NRXN3: variants seen among roughly 807,000 people sequenced by gnomAD.
NRXN3 encodes neurexin 3.
Under a neutral mutation model 137.6 loss-of-function variants are expected in NRXN3, and 32 were observed. That is an observed-to-expected ratio of 0.23 (90% CI 0.18 to 0.31). The LOEUF is 0.31. NRXN3 is among the 10% of genes least tolerant of loss of function. NRXN3 has a pLI of 1.00. For missense variants in NRXN3, 1,574 were observed against 2,062.5 expected (o/e 0.76, Z 4.59); for synonymous variants, 798 against 784.5 (o/e 1.02, Z -0.29).
chr14:78,630,092 A>G (rs1488266353), intron 4 of NRXN3, among the ~76,000 whole-genome samples: 1 of 152,184 alleles, frequency 6.6e-6, no homozygotes, highest in African/African-American at 2.4e-5. Context: ...GGAACCAGCT[A>G]TTTTAGCACT....
At chr14:78,195,739 A>G (rs1045148235) in intron 1 of NRXN3, among the ~76,000 whole-genome samples, 1 of 152,244 alleles carries the variant, frequency 6.6e-6, no homozygotes, top group African/African-American at 2.4e-5. Context: ...ACTAAAGCAT[A>G]GAACCCAGCT....
At chr14:79,784,472 G>T (rs1053760645) in intron 19 of NRXN3, among the ~76,000 whole-genome samples, 2 of 151,946 alleles carry the variant, frequency 1.3e-5, no homozygotes, top group South Asian at 4.2e-4. Context: ...GGCTCTTTTG[G>T]CTCCTTTAAA....
intron 15 of NRXN3, among the ~76,000 whole-genome samples, chr14:79,273,628 C>T (rs973607564): frequency 1.3e-5 from 2 of 151,820 alleles, no homozygotes; most frequent in African/African-American, 2.4e-5. Flanking sequence ...AGTGAGACTC[C>T]GTCTCAAAAT....
intron 16 of NRXN3, among the ~76,000 whole-genome samples, chr14:79,549,790 C>T (rs1239160759): frequency 1.3e-5 from 2 of 152,006 alleles, no homozygotes; most frequent in Non-Finnish European, 2.9e-5. Context: ...ATTTAGTGGC[C>T]CAGCAAATCC....
intron 15 of NRXN3, among the ~76,000 whole-genome samples, chr14:79,460,839 G>A (rs2096326706): frequency 6.6e-6 from 1 of 152,118 alleles, no homozygotes; most frequent in South Asian, 2.1e-4. Context: ...CAGCAAATCT[G>A]CTCATTTCTT....
chr14:78,388,884 A>G (rs1454587308), intron 4 of NRXN3, among the ~76,000 whole-genome samples: 1 of 152,094 alleles, frequency 6.6e-6, no homozygotes, highest in African/African-American at 2.4e-5. Context: ...TATTATTAAT[A>G]TACCATACTT....
At chr14:79,430,087 A>C (rs1277907601) in intron 15 of NRXN3, among the ~76,000 whole-genome samples, 1 of 152,192 alleles carries the variant, frequency 6.6e-6, no homozygotes, top group Non-Finnish European at 1.5e-5. Flanking sequence ...ATGTACAGTA[A>C]ATTATTTTCA....
chr14:78,674,264 G>T (rs1489697392), intron 6 of NRXN3, among the ~76,000 whole-genome samples: 1 of 152,144 alleles, frequency 6.6e-6, no homozygotes, highest in African/African-American at 2.4e-5. Flanking sequence ...AAATCTATTT[G>T]CTTATAAAGG....
At chr14:79,415,652 T>C (rs2095486086) in intron 15 of NRXN3, among the ~76,000 whole-genome samples, 1 of 152,132 alleles carries the variant, frequency 6.6e-6, no homozygotes. Flanking sequence ...TGTGTATGCC[T>C]CTATACACCC....
chr14:79,286,863 G>A (rs545880028), intron 15 of NRXN3, among the ~76,000 whole-genome samples: 6 of 152,198 alleles, frequency 3.9e-5, no homozygotes, highest in South Asian at 2.1e-4. Flanking sequence ...TGGTTTCACT[G>A]AGACTCAATT....
chr14:79,836,545 G>A (rs1211242882), intron 20 of NRXN3, among the ~76,000 whole-genome samples: 1 of 152,134 alleles, frequency 6.6e-6, no homozygotes, highest in East Asian at 1.9e-4. Flanking sequence ...TCTTTCTTTT[G>A]TTTGGCCACC....
At chr14:79,499,577 G>A (rs1047375920) in intron 16 of NRXN3, among the ~76,000 whole-genome samples, 3 of 152,174 alleles carry the variant, frequency 2.0e-5, no homozygotes, top group Non-Finnish European at 2.9e-5. Flanking sequence ...GAATGTGACT[G>A]TTTAAATCAC....
At chr14:78,300,265 C>G (rs1265604065) in intron 4 of NRXN3, among the ~76,000 whole-genome samples, 4 of 152,206 alleles carry the variant, frequency 2.6e-5, no homozygotes, top group Non-Finnish European at 5.9e-5. Context: ...ACAGGAGAAC[C>G]TAGCTTCTCC....
intron 16 of NRXN3, among the ~76,000 whole-genome samples, chr14:79,632,829 G>A (rs1046518391): frequency 1.3e-5 from 2 of 152,054 alleles, no homozygotes; most frequent in Non-Finnish European, 2.9e-5. Context: ...TAAGTTGCAC[G>A]ACCTGGATCA....
intron 4 of NRXN3, among the ~76,000 whole-genome samples, chr14:78,340,067 C>T (rs1270630233): frequency 6.6e-6 from 1 of 152,182 alleles, no homozygotes; most frequent in Non-Finnish European, 1.5e-5. Flanking sequence ...GCTTAGAAAG[C>T]AGGTCTCATC....
At chr14:78,242,102 T>C (rs1361772716) in intron 1 of NRXN3, among the ~76,000 whole-genome samples, 1 of 152,204 alleles carries the variant, frequency 6.6e-6, no homozygotes, top group African/African-American at 2.4e-5. Context: ...ACTTTGACAA[T>C]GTGACCTTGT....
At chr14:78,926,771 T>TTA (rs1385631497) in intron 10 of NRXN3, among the ~76,000 whole-genome samples, 3 of 43,020 alleles carry the variant, frequency 7.0e-5, no homozygotes, top group Non-Finnish European at 1.1e-4. Context: ...ATTATATATA[T>TTA]TATATATATA....
chr14:79,849,913 G>T (rs1209790455), intron 20 of NRXN3, among the ~76,000 whole-genome samples: 1 of 152,084 alleles, frequency 6.6e-6, no homozygotes, highest in Non-Finnish European at 1.5e-5. Context: ...GTATATGCAG[G>T]GCTCGTTTTG....
chr14:79,349,524 G>A (rs1390629710), intron 15 of NRXN3, among the ~76,000 whole-genome samples: 7 of 136,912 alleles, frequency 5.1e-5, no homozygotes, highest in Admixed American at 4.5e-4. Context: ...TCTCACCTCC[G>A]TCCTCCCCGG....
Sources: allele counts gnomAD v4.1 joint callset (sites outside exome capture counted in the v4.1 genomes callset), GRCh38; gene constraint gnomAD v4.1.1; transcripts MANE v1.5; gene names NCBI Gene and HGNC (gene_info 2026-07-23, HGNC 2026-07-21).